REEP1: variants seen among roughly 807,000 people sequenced by gnomAD.
REEP1 encodes receptor accessory protein 1, also known as receptor expression-enhancing protein 1.
REEP1 carries 22 observed loss-of-function variants against 40.3 expected under a neutral mutation model. The ratio of observed to expected loss-of-function variants is 0.55; its 90% CI spans 0.39 to 0.78. The LOEUF (loss-of-function observed/expected upper bound fraction) is 0.78, where lower values mean the gene tolerates loss of function less well. REEP1 is among the 30% of genes least tolerant of loss of function. The pLI, the probability that REEP1 is intolerant of heterozygous loss-of-function variation, is 0.00. For synonymous variants in REEP1, 116 were observed against 139.2 expected, an observed-to-expected ratio of 0.83 and a Z score of 1.17; for missense variants, 280 against 361.1, an observed-to-expected ratio of 0.78 and a Z score of 1.82.
rs1266102026 is a variant in REEP1, at chr2:86,282,217, C to T, written c.58G>A (p.Ala20Thr). 1.9e-6 allele frequency: 3 copies of T among 1,609,678 alleles called. No individual in the cohort carries two copies. The highest frequency in any genetic ancestry group is 2.6e-6 in the Non-Finnish European group (3 of 1,175,998). The change falls in exon 2 of 9, where the codon GCG becomes ACG. Residue 20 changes from alanine to threonine, a missense_variant. Transcript: ENST00000538924. ...VVLIFGTLYP[A>T]YYSYKAVKSK... ...TTCACAGCCTTGTAGGAATAATACG[C>T]AGGGTAAAGGGTGCCAAATATAAGC... is the stretch of plus-strand genomic sequence containing the variant.
intron 3 of REEP1, among the ~76,000 whole-genome samples, chr2:86,256,884 T>C (rs1471642703): frequency 6.6e-6 from 1 of 152,132 alleles, no homozygotes; most frequent in Non-Finnish European, 1.5e-5. Context: ...CCTCCCCAGA[T>C]AAACGATCAG....
intron 1 of REEP1, among the ~76,000 whole-genome samples, chr2:86,335,186 T>C (rs1051153973): frequency 7.2e-5 from 11 of 152,208 alleles, no homozygotes; most frequent in African/African-American, 2.7e-4. Context: ...TATCTCTGTG[T>C]GGTGGAAATG....
chr2:86,283,976 G>T (rs184951276), intron 1 of REEP1, among the ~76,000 whole-genome samples: 1 of 152,154 alleles, frequency 6.6e-6, no homozygotes, highest in Non-Finnish European at 1.5e-5. Flanking sequence ...TGAGCCACTG[G>T]GGGGATGAGA....
intron 2 of REEP1, among the ~76,000 whole-genome samples, chr2:86,270,676 T>C (rs564180058): frequency 6.6e-6 from 1 of 152,228 alleles, no homozygotes; most frequent in South Asian, 2.1e-4. Context: ...TAACAGCATA[T>C]TGGATACAAC....
At chr2:86,272,264 G>A (rs59567456) in intron 2 of REEP1, among the ~76,000 whole-genome samples, 10,210 of 152,152 alleles carry the variant, frequency 0.067, 527 homozygotes, top group African/African-American at 0.13. Context: ...GCAACCCTTA[G>A]CTACAAACTT....
chr2:86,327,164 C>T (rs1444287869), intron 1 of REEP1, among the ~76,000 whole-genome samples: 1 of 152,176 alleles, frequency 6.6e-6, no homozygotes, highest in Non-Finnish European at 1.5e-5. Context: ...TTAATGTCAA[C>T]ACTTTATTTT....
At chr2:86,276,289 C>T (rs1677751832) in intron 2 of REEP1, among the ~76,000 whole-genome samples, 1 of 152,218 alleles carries the variant, frequency 6.6e-6, no homozygotes, top group Admixed American at 6.5e-5. Flanking sequence ...TTCCACCAGG[C>T]CCCTTCCCTC....
chr2:86,329,623 G>T (rs945371410), intron 1 of REEP1, among the ~76,000 whole-genome samples: 1 of 152,086 alleles, frequency 6.6e-6, no homozygotes, highest in African/African-American at 2.4e-5. Context: ...GGGACATGAT[G>T]GCACCCTGTC....
intron 2 of REEP1, among the ~76,000 whole-genome samples, chr2:86,270,794 C>A (rs1043280909): frequency 6.6e-6 from 1 of 151,906 alleles, no homozygotes; most frequent in Non-Finnish European, 1.5e-5. Context: ...TGGACTGCAT[C>A]AGGCAGTCTA....
chr2:86,252,016 G>A lies in REEP1; in HGVS notation c.358C>T (p.His120Tyr). ...ACGTTCAAGCCCCGCTTCCCGAAGT[G>A]CACAAGGGCATCGTAACTTCGGTCT... The part of the protein sequence containing the change: ...AKDRSYDALV[H>Y]FGKRGLNVAA... Residue 120 changes from histidine to tyrosine, a missense_variant, in exon 5 of 9, where the codon CAC (histidine) becomes TAC (tyrosine). His to Tyr is a moderately conservative substitution (Grantham distance 83). Around this residue, in one of 3 missense-constraint regions of REEP1, gnomAD observed 201 missense variants for 238.5 expected, o/e 0.84. Coordinates refer to ENST00000538924, the MANE Select transcript of REEP1 (RefSeq NM_001371279.1). 1 of 1,614,112 alleles carries A rather than the reference G, an allele frequency of 6.2e-7. No homozygotes were observed. The highest frequency in any genetic ancestry group is 8.5e-7 in the Non-Finnish European group (1 of 1,180,004).
At chr2:86,278,650 T>C (rs973011336) in intron 2 of REEP1, among the ~76,000 whole-genome samples, 1 of 152,176 alleles carries the variant, frequency 6.6e-6, no homozygotes, top group Non-Finnish European at 1.5e-5. Flanking sequence ...ATGAGCATCT[T>C]TGTGGGAGGA....
At chr2:86,221,734 G>A (rs1204011581) in intron 7 of REEP1, among the ~76,000 whole-genome samples, 1 of 152,148 alleles carries the variant, frequency 6.6e-6, no homozygotes, top group Non-Finnish European at 1.5e-5. Context: ...GCACACAGTG[G>A]CCACTCATCA....
chr2:86,296,437 G>C (rs1322626780), intron 1 of REEP1, among the ~76,000 whole-genome samples: 2 of 152,242 alleles, frequency 1.3e-5, no homozygotes, highest in East Asian at 1.9e-4. Flanking sequence ...CTAAACCATG[G>C]ATGCTCCAAC....
chr2:86,298,534 C>T (rs1033890939), intron 1 of REEP1, among the ~76,000 whole-genome samples: 2 of 152,348 alleles, frequency 1.3e-5, no homozygotes, highest in Admixed American at 6.5e-5. Context: ...GGTGCCCTCC[C>T]CTCCACAGCT....
intron 2 of REEP1, among the ~76,000 whole-genome samples, chr2:86,279,857 G>A (rs1677970323): frequency 6.6e-6 from 1 of 152,188 alleles, no homozygotes; most frequent in South Asian, 2.1e-4. Flanking sequence ...TTGGACTTCT[G>A]ACCTTCAGAA....
At chr2:86,285,905 T>C (rs1279496661) in intron 1 of REEP1, among the ~76,000 whole-genome samples, 1 of 152,102 alleles carries the variant, frequency 6.6e-6, no homozygotes, top group Non-Finnish European at 1.5e-5. Flanking sequence ...CAAGCTGGGC[T>C]CAAGCAGAGG....
At chr2:86,311,696 T>G (rs1388423002) in intron 1 of REEP1, among the ~76,000 whole-genome samples, 1 of 152,186 alleles carries the variant, frequency 6.6e-6, no homozygotes, top group African/African-American at 2.4e-5. Flanking sequence ...CCCAACTTGA[T>G]TACATTTGCA....
At chr2:86,273,679 A>G (rs1400084395) in intron 2 of REEP1, among the ~76,000 whole-genome samples, 1 of 152,190 alleles carries the variant, frequency 6.6e-6, no homozygotes, top group Admixed American at 6.5e-5. Context: ...GTTCTCAACA[A>G]AGCATCTTTT....
intron 7 of REEP1, among the ~76,000 whole-genome samples, chr2:86,224,196 C>A (rs561590707): frequency 2.0e-5 from 3 of 152,172 alleles, no homozygotes; most frequent in Non-Finnish European, 4.4e-5. Flanking sequence ...TTCCTGTCTG[C>A]TGAGGGATCC....
Sources: gnomAD v4.1 joint callset for allele counts (sites outside exome capture counted in the v4.1 genomes callset) on GRCh38, gnomAD v4.1.1 for gene constraint, gnomAD v4.1.1 regional missense constraint, MANE v1.5 for transcripts, NCBI Gene and HGNC (gene_info 2026-07-23, HGNC 2026-07-21) for gene names.